ADGRB2: variants seen among roughly 807,000 people sequenced by gnomAD.
The protein encoded by ADGRB2 is brain-specific angiogenesis inhibitor 2.
In ADGRB2, 47 loss-of-function variants were observed where a neutral mutation model predicts 178.7. The ratio of observed to expected loss-of-function variants is 0.26; its 90% confidence interval spans 0.21 to 0.34. ADGRB2 has a LOEUF of 0.34. Among genes scored for constraint, ADGRB2 ranks in the 10% least tolerant of loss-of-function variants. The pLI, the probability that ADGRB2 is intolerant of heterozygous loss-of-function variation, is 1.00. For missense variants in ADGRB2, 1,584 were observed against 2,180.8 expected (o/e 0.73, Z 5.45); for synonymous variants, 870 against 912.4 (o/e 0.95, Z 0.84).
In ADGRB2 at chr1:31,737,365, C is replaced by A. The variant is rs755806643; in HGVS notation, c.2979+64G>T. On this transcript the variant is annotated intron_variant, in intron 20 of 32. Coordinates refer to ENST00000373658, the MANE Select transcript of ADGRB2 (RefSeq NM_001364857.2). ...GACGTACAAGCAAACACACACACTG[C>A]GCTCTCCACCCTCACCCCTCCACCC... The A allele has an allele frequency of 2.1e-6, 3 of 1,443,380 alleles. No homozygotes were observed. The South Asian group carries it at 3.5e-5, about 17-fold the overall frequency. 89.4% of individuals were successfully genotyped at this position (1,443,380 alleles called of 1,614,324 possible).
At position 31,733,129 on chromosome 1, in the gene ADGRB2, C is replaced by T. The variant is rs1220894537; in HGVS notation, c.3467G>A (p.Ser1156Asn). The T allele has an allele frequency of 1.3e-6, 2 of 1,583,886 alleles. No homozygotes were observed. The highest frequency in any genetic ancestry group is 1.7e-6 in the Non-Finnish European group (2 of 1,165,200). The stretch of plus-strand genomic sequence containing the variant: ...CAGCAGGGGCAGCACCACGCAGGAG[C>T]TCCAGAGTGAGGCCCTGAGGGGACA... ...SARNAMASLW[S>N]SCVVLPLLAL... Residue 1156 changes from serine (S) to asparagine (N), a missense_variant, in exon 26 of 33, where the codon AGC becomes AAC. Ser to Asn is a conservative substitution (Grantham distance 46). Transcript: ENST00000373658. This position sits in a 1 kb window ranked among gnomAD's most constrained non-coding sequence, Gnocchi z 4.3.
At chr1:31,739,169 C>T in intron 15 of ADGRB2, 139 bp downstream of exon 15, 1 of 1,031,722 alleles carries the variant, frequency 9.7e-7, no homozygotes. Context: ...AGCATGTGTC[C>T]AGAGCCAGGC....
At chr1:31,750,207 T>G (rs1646496134) in intron 4 of ADGRB2, among the ~76,000 whole-genome samples, 1 of 152,208 alleles carries the variant, frequency 6.6e-6, no homozygotes, top group Non-Finnish European at 1.5e-5. Flanking sequence ...TTCTATGGCC[T>G]AGTCCCCAGG....
rs748266966 is a variant in ADGRB2 at position 31,741,486 on chromosome 1, G to C, written c.1688-7C>G. 2 of 1,586,100 alleles carry C rather than the reference G, an allele frequency of 1.3e-6. No individual in the cohort carries two copies. The highest frequency in any genetic ancestry group is 2.3e-5 in the South Asian group (2 of 87,940). On this transcript the variant is annotated splice_region_variant and splice_polypyrimidine_tract_variant and intron_variant, in intron 10 of 32. Coordinates refer to ENST00000373658, the MANE Select transcript of ADGRB2 (RefSeq NM_001364857.2). The surrounding 1 kb of genome is among the most constrained non-coding windows in gnomAD (Gnocchi z 6.5). ...CAGCGGCGGCTGGCAGACCCTGCAG[G>C]GCAATAGGACAGAGGTCTGGGCATG...
chr1:31,757,323 C>T, intron 2 of ADGRB2, 42 bp from the exon 3 acceptor site: 1 of 1,479,128 alleles, frequency 6.8e-7, no homozygotes, highest in Non-Finnish European at 9.4e-7. Flanking sequence ...CTATGATTTG[C>T]TTTTTTATAA....
Position 31,727,600 on chromosome 1 carries a change from C to A in ADGRB2, c.4578G>T (p.Lys1526Asn). 1 of 1,533,912 alleles carries A rather than the reference C, an allele frequency of 6.5e-7. No homozygotes were observed. The highest frequency in any genetic ancestry group is 8.7e-7 in the Non-Finnish European group (1 of 1,148,102). Residue 1526 changes from lysine (K) to asparagine (N), a missense_variant, in exon 33 of 33, where the codon AAG (lysine) becomes AAT (asparagine). By Grantham distance (94) the Lys-to-Asn change is moderately conservative (BLOSUM62 0). This residue lies in a region of ADGRB2 where 865 missense variants were observed against 1,192.8 expected (regional missense o/e 0.73). Coordinates refer to ENST00000373658, the MANE Select transcript of ADGRB2 (RefSeq NM_001364857.2). The surrounding 1 kb of genome is among the most constrained non-coding windows in gnomAD (Gnocchi z 4.4). ...GAAERSVCTD[K>N]PSPGERPSLS... Reference sequence around the variant, plus strand: ...AGCTGGGGCGCTCCCCAGGGCTGGGCTTATCCTGTGGAGGGAGCGGGAGGG... The same window carrying A: ...AGCTGGGGCGCTCCCCAGGGCTGGGATTATCCTGTGGAGGGAGCGGGAGGG...
rs745674568 is a variant in ADGRB2, at chr1:31,756,409, C to T, written c.428G>A (p.Ser143Asn). Residue 143 changes from serine (S) to asparagine (N), a missense_variant, in exon 4 of 33, where the codon AGC becomes AAC. By Grantham distance (46) the Ser-to-Asn change is conservative. This residue lies in a region of ADGRB2 where 657 missense variants were observed against 847.6 expected (regional missense o/e 0.78). Coordinates refer to ENST00000373658, the MANE Select transcript of ADGRB2 (RefSeq NM_001364857.2). This position sits in a 1 kb window ranked among gnomAD's most constrained non-coding sequence, Gnocchi z 8.5. ...AEAAAGLELC[S>N]GSGPFTFLHF... ...CAGGAAGGTAAAGGGGCCTGAGCCG[C>T]TGCACAGCTCCAACCCCGCTGCCGC... 1.2e-6 allele frequency: 2 copies of T among 1,612,906 alleles called. No individual in the cohort carries two copies. Among genetic ancestry groups the T allele is most frequent in the Non-Finnish European group, 1.7e-6 (2 of 1,179,896 alleles).
Position 31,741,444 on chromosome 1 carries a change from CT to C in ADGRB2, c.1722del (p.Gly575AlafsTer69). On this transcript the variant is annotated frameshift_variant, in exon 11 of 33. Transcript: ENST00000373658. LOFTEE classifies it high-confidence loss of function. This position sits in a 1 kb window ranked among gnomAD's most constrained non-coding sequence, Gnocchi z 6.5. ...CTGGGCAGCCCCCAGTACGCCACGCCTTGGGCACTGAGGAGACAGCGGCGGC... is the reference window on the plus strand; with the variant it reads ...CTGGGCAGCCCCCAGTACGCCACGCCTGGGCACTGAGGAGACAGCGGCGGC... ...SASRRCLLSA[Q>X]GVAYWGLPSF... 1 of 1,604,306 alleles carries C rather than the reference CT, an allele frequency of 6.2e-7. No individual in the cohort carries two copies. The highest frequency in any genetic ancestry group is 1.1e-5 in the South Asian group (1 of 89,412).
At position 31,744,454 on chromosome 1, in the gene ADGRB2, A is replaced by G; in HGVS notation, c.923-97T>C. 4.0e-6 allele frequency: 6 copies of G among 1,497,958 alleles called. No homozygotes were observed. The highest frequency in any genetic ancestry group is 5.4e-6 in the Non-Finnish European group (6 of 1,113,848). 92.8% of individuals were successfully genotyped at this position (1,497,958 alleles called of 1,614,324 possible). On this transcript the variant is annotated intron_variant, in intron 5 of 32. Coordinates refer to ENST00000373658, the MANE Select transcript of ADGRB2 (RefSeq NM_001364857.2). This position sits in a 1 kb window ranked among gnomAD's most constrained non-coding sequence, Gnocchi z 6.7. The stretch of plus-strand genomic sequence containing the variant: ...TGGCAGTAAGGTGGGGGCAGGCATC[A>G]GAGGGCTCCTCCTACCCTGACCCCA...
At chr1:31,730,175 T>C (rs1051958426) in intron 29 of ADGRB2, among the ~76,000 whole-genome samples, 1 of 152,056 alleles carries the variant, frequency 6.6e-6, no homozygotes, top group Non-Finnish European at 1.5e-5. Flanking sequence ...AGCGTGAAGG[T>C]GAAGGATTCA....
chr1:31,738,759 G>T, intron 16 of ADGRB2, 73 bp downstream of exon 16: 1 of 1,594,206 alleles, frequency 6.3e-7, no homozygotes, highest in Non-Finnish European at 8.6e-7. Context: ...GGGACAGAGT[G>T]CTTCCCACCA....
At chr1:31,734,262 T>A (rs1389542283) in intron 25 of ADGRB2, among the ~76,000 whole-genome samples, 1 of 152,218 alleles carries the variant, frequency 6.6e-6, no homozygotes, top group Admixed American at 6.5e-5. Context: ...CTTCAAATCA[T>A]GATCAAAACA....
rs749337394 is a variant in ADGRB2 at position 31,728,201 on chromosome 1, C to T, written c.4496G>A (p.Arg1499His). 8 of 1,613,926 alleles carry T rather than the reference C, an allele frequency of 5.0e-6. No homozygotes were observed. In the East Asian group the frequency reaches 6.7e-5, roughly 13 times the overall value. The stretch of plus-strand genomic sequence containing the variant: ...CCTCACCTTGGCCGTGGACTGGCTG[C>T]GGTAGCGGTCGAAAGTGTGGAACTT... ...NQKFHTFDRY[R>H]SQSTAKREKR... Residue 1499 changes from arginine to histidine, a missense_variant, in exon 31 of 33, where the codon CGC becomes CAC. Physicochemically the swap from Arg to His is conservative, Grantham distance 29. This residue lies in a region of ADGRB2 where 865 missense variants were observed against 1,192.8 expected (regional missense o/e 0.73). Coordinates refer to ENST00000373658, the MANE Select transcript of ADGRB2 (RefSeq NM_001364857.2). This position sits in a 1 kb window ranked among gnomAD's most constrained non-coding sequence, Gnocchi z 6.7.
In ADGRB2 at chr1:31,753,131, C is replaced by T. The variant is rs1646662733; in HGVS notation, c.838+2868G>A. On this transcript the variant is annotated intron_variant, in intron 4 of 32. Transcript: ENST00000373658. This position sits in a 1 kb window ranked among gnomAD's most constrained non-coding sequence, Gnocchi z 4.1. ...GGAACTGCAGGCTGGCACTGGCCAT[C>T]AGGAGCTGAGCCCTGCAGCTGGCAC... is the stretch of plus-strand genomic sequence containing the variant. Among the ~76,000 whole-genome samples, 1 of 152,214 alleles carries T rather than the reference C, an allele frequency of 6.6e-6. No homozygotes were observed. The highest frequency in any genetic ancestry group is 2.4e-5 in the African/African-American group (1 of 41,456).
chr1:31,740,619 A>C lies in ADGRB2; in HGVS notation c.1795-78T>G. ...ACCCTGGCCCATCCCACTCCAGTCC[A>C]CCCACTGCTTGCATCCACGGGGAGA... On this transcript the variant is annotated intron_variant, in intron 11 of 32. Coordinates refer to ENST00000373658, the MANE Select transcript of ADGRB2 (RefSeq NM_001364857.2). This position sits in a 1 kb window ranked among gnomAD's most constrained non-coding sequence, Gnocchi z 5.9. 7.0e-7 allele frequency: 1 copy of C among 1,418,864 alleles called. No individual in the cohort carries two copies. The highest frequency in any genetic ancestry group is 9.4e-7 in the Non-Finnish European group (1 of 1,064,340). The allele number at this position is 1,418,864 out of a possible 1,614,324, so 87.9% of individuals were successfully genotyped here.
intron 15 of ADGRB2, 166 bp from the exon 16 acceptor site, chr1:31,739,103 C>T (rs746541852): frequency 1.2e-6 from 1 of 824,708 alleles, no homozygotes; most frequent in African/African-American, 1.7e-5. Context: ...AGAGCTCTGT[C>T]CCTCACCCGC....
At chr1:31,736,779 C>T (rs1057219619) in intron 20 of ADGRB2, 56 bp from the exon 21 acceptor site, 22 of 1,568,194 alleles carry the variant, frequency 1.4e-5, no homozygotes, top group Middle Eastern at 1.9e-4. Flanking sequence ...GGGCAGGAGG[C>T]GCCGGGCTTC....
chr1:31,732,225 C>A (rs1421391954), intron 27 of ADGRB2, 71 bp from the exon 28 acceptor site: 15 of 1,587,876 alleles, frequency 9.4e-6, no homozygotes, highest in Non-Finnish European at 1.2e-5. Context: ...GAGGCTCAGG[C>A]CCTCCCCAGC....
At chr1:31,750,885 C>A (rs1020453676) in intron 4 of ADGRB2, among the ~76,000 whole-genome samples, 1 of 152,092 alleles carries the variant, frequency 6.6e-6, no homozygotes, top group Admixed American at 6.5e-5. Flanking sequence ...GACCGCCCCC[C>A]CCAATAATTC....
Sources: gnomAD v4.1 joint callset for allele counts (sites outside exome capture counted in the v4.1 genomes callset) on GRCh38, gnomAD v4.1.1 for gene constraint, gnomAD v4.1.1 regional missense constraint, Gnocchi (gnomAD v3.1) non-coding constraint, MANE v1.5 for transcripts, NCBI Gene and HGNC (gene_info 2026-07-23, HGNC 2026-07-21) for gene names.